The following CTNND2 variants were observed in gnomAD, a reference collection of about 807,000 sequenced individuals.
CTNND2 encodes the protein catenin delta 2, also known as catenin delta-2.
In CTNND2, 22 loss-of-function variants were observed where a neutral mutation model predicts 144.4. That is an observed-to-expected ratio of 0.15 (90% CI 0.11 to 0.22). The LOEUF is 0.22. Among genes scored for constraint, CTNND2 ranks in the 10% least tolerant of loss-of-function variants. CTNND2 has a pLI of 1.00. For synonymous variants in CTNND2, 751 were observed against 695.6 expected (o/e 1.08, Z -1.25); for missense variants, 1,353 against 1,618.8 (o/e 0.84, Z 2.82).
chr5:11,050,874 C>T (rs551351270), intron 16 of CTNND2, among the ~76,000 whole-genome samples: 4 of 152,330 alleles, frequency 2.6e-5, no homozygotes, highest in South Asian at 4.1e-4. Flanking sequence ...ACCAGGGGTG[C>T]TCCACTTCTG....
intron 3 of CTNND2, among the ~76,000 whole-genome samples, chr5:11,444,762 C>T (rs144706698): frequency 1.5e-3 from 235 of 152,258 alleles, no homozygotes; most frequent in African/African-American, 5.4e-3. Context: ...ATAGTAAAGA[C>T]AAATAATTGA....
chr5:11,599,975 T>C (rs1779699751), intron 2 of CTNND2, among the ~76,000 whole-genome samples: 1 of 152,190 alleles, frequency 6.6e-6, no homozygotes, highest in Non-Finnish European at 1.5e-5. Flanking sequence ...TCAAGGTACC[T>C]ACTTTTAGCA....
At chr5:11,333,674 G>C (rs62339764) in intron 9 of CTNND2, among the ~76,000 whole-genome samples, 42,804 of 152,174 alleles carry the variant, frequency 0.28, 6,267 homozygotes, top group Middle Eastern at 0.36. Flanking sequence ...GGGAAGAGTA[G>C]GGATGACCTT....
chr5:11,838,028 T>C (rs939355240), intron 1 of CTNND2, among the ~76,000 whole-genome samples: 1 of 152,210 alleles, frequency 6.6e-6, no homozygotes, highest in African/African-American at 2.4e-5. Flanking sequence ...AATTGGATTC[T>C]CTGACTCCAG....
At chr5:11,627,491 T>C (rs1417379636) in intron 2 of CTNND2, among the ~76,000 whole-genome samples, 3 of 152,214 alleles carry the variant, frequency 2.0e-5, no homozygotes, top group Middle Eastern at 3.4e-3. Context: ...CAGGCATCAA[T>C]AGATATTTGA....
chr5:11,749,484 T>C (rs1211867069), intron 1 of CTNND2, among the ~76,000 whole-genome samples: 1 of 151,974 alleles, frequency 6.6e-6, no homozygotes, highest in Admixed American at 6.6e-5. Flanking sequence ...CAAATTGTAT[T>C]CTGCATAGTC....
intron 1 of CTNND2, among the ~76,000 whole-genome samples, chr5:11,829,447 C>T (rs945124541): frequency 1.3e-5 from 2 of 152,138 alleles, no homozygotes; most frequent in Non-Finnish European, 2.9e-5. Context: ...GACTTGGTGC[C>T]CTGCATCCCA....
chr5:11,519,753 AAGGTAGGT>A lies in CTNND2; in HGVS notation c.287+45183_287+45190del, dbSNP rs549474753. Among the ~76,000 whole-genome samples the A allele has an allele frequency of 2.6e-5, 4 of 152,066 alleles. No homozygotes were observed. In the East Asian group the frequency reaches 5.8e-4, roughly 22 times the overall value. On this transcript the variant is annotated intron_variant, in intron 3 of 21. Transcript: ENST00000304623. ...GTTGGATAAATAAATGGAAGGAAGGAAGGTAGGTAGGTAGGTAGGTAGAGGTATAAATT... is the reference window on the plus strand; with the variant it reads ...GTTGGATAAATAAATGGAAGGAAGGAAGGTAGGTAGGTAGAGGTATAAATT...
intron 12 of CTNND2, among the ~76,000 whole-genome samples, chr5:11,126,164 G>A (rs976524086): frequency 1.3e-5 from 2 of 152,170 alleles, no homozygotes; most frequent in Admixed American, 1.3e-4. Flanking sequence ...AGCTGGGCGT[G>A]GTGGCACATG....
chr5:11,062,369 T>A (rs1747091894), intron 16 of CTNND2, among the ~76,000 whole-genome samples: 1 of 152,238 alleles, frequency 6.6e-6, no homozygotes, highest in South Asian at 2.1e-4. Context: ...ATAATGATAC[T>A]CTATATGAAG....
intron 2 of CTNND2, among the ~76,000 whole-genome samples, chr5:11,597,470 G>C (rs1477872560): frequency 6.6e-6 from 1 of 152,166 alleles, no homozygotes; most frequent in Non-Finnish European, 1.5e-5. Flanking sequence ...GGCTCATTTA[G>C]CTCTACAGAT....
intron 2 of CTNND2, among the ~76,000 whole-genome samples, chr5:11,725,036 A>G (rs1332593856): frequency 1.3e-5 from 2 of 152,166 alleles, no homozygotes; most frequent in African/African-American, 4.8e-5. Flanking sequence ...GTGAAAAAGG[A>G]GGATGCTAAT....
At chr5:11,136,478 G>T (rs990020602) in intron 12 of CTNND2, among the ~76,000 whole-genome samples, 1 of 151,680 alleles carries the variant, frequency 6.6e-6, no homozygotes, top group East Asian at 1.9e-4. Context: ...TGGGGAAAAA[G>T]AACAATGGTG....
Position 11,574,209 on chromosome 5 carries a change from C to T in CTNND2, c.175-9153G>A, listed in dbSNP as rs188134019. Among the ~76,000 whole-genome samples, 7 of 152,206 alleles carry T rather than the reference C, an allele frequency of 4.6e-5. No homozygotes were observed. The East Asian group carries it at 5.8e-4, about 13-fold the overall frequency. ...GGGATGACTATTCTACTTATGATAA[C>T]AGCACATAATGGCAGTTAATATGTT... On this transcript the variant is annotated intron_variant, in intron 2 of 21. Transcript: ENST00000304623.
At chr5:11,878,572 C>T (rs560219462) in intron 1 of CTNND2, among the ~76,000 whole-genome samples, 185 of 152,342 alleles carry the variant, frequency 1.2e-3, no homozygotes, top group African/African-American at 4.2e-3. Flanking sequence ...TGTTCTAAGG[C>T]TTGAACAGCT....
chr5:11,557,704 G>C (rs1469816347), intron 3 of CTNND2, among the ~76,000 whole-genome samples: 1 of 152,078 alleles, frequency 6.6e-6, no homozygotes, highest in East Asian at 1.9e-4. Flanking sequence ...ACCTAATTAG[G>C]AGAGTGAGGC....
At chr5:11,029,278 A>G (rs867573984) in intron 16 of CTNND2, among the ~76,000 whole-genome samples, 1 of 152,112 alleles carries the variant, frequency 6.6e-6, no homozygotes, top group South Asian at 2.1e-4. Flanking sequence ...ATCCATGTAT[A>G]TTTAAAGTAA....
chr5:11,841,365 C>T, intron 1 of CTNND2, among the ~76,000 whole-genome samples: 1 of 152,106 alleles, frequency 6.6e-6, no homozygotes, highest in Non-Finnish European at 1.5e-5. Context: ...CCACCCCTAC[C>T]CCATAAGTCA....
chr5:11,552,964 A>C (rs1237606639), intron 3 of CTNND2, among the ~76,000 whole-genome samples: 4 of 152,208 alleles, frequency 2.6e-5, no homozygotes, highest in African/African-American at 9.6e-5. Context: ...GATATGATGG[A>C]GACACAAATG....
Sources: gnomAD v4.1 joint callset for allele counts (sites outside exome capture counted in the v4.1 genomes callset) on GRCh38, gnomAD v4.1.1 for gene constraint, MANE v1.5 for transcripts, NCBI Gene and HGNC (gene_info 2026-07-23, HGNC 2026-07-21) for gene names.